Variants in FAM227B observed in about 807,000 individuals in gnomAD.
The protein encoded by FAM227B is protein FAM227B.
FAM227B carries 88 observed loss-of-function variants against 73.8 expected under a neutral mutation model. The ratio of observed to expected loss-of-function variants is 1.19; its 90% CI spans 1.00 to 1.42. The LOEUF (loss-of-function observed/expected upper bound fraction) is 1.42. Ranked by LOEUF, FAM227B falls within the 40% of genes most tolerant of loss-of-function variation. The pLI is 0.00. For synonymous variants in FAM227B, 210 were observed against 190.5 expected (o/e 1.10, Z -0.84); for missense variants, 632 against 590.9 (o/e 1.07, Z -0.72).
In FAM227B at chr15:49,589,809, T is replaced by G; in HGVS notation, c.304A>C (p.Ile102Leu). The G allele has an allele frequency of 6.3e-7, 1 of 1,599,298 alleles. No homozygotes were observed. Among genetic ancestry groups the G allele is most frequent in the South Asian group, 1.1e-5 (1 of 90,608 alleles). Residue 102 changes from isoleucine (I) to leucine (L), a missense_variant, in exon 4 of 16, where the codon ATA becomes CTA. Physicochemically the swap from Ile to Leu is conservative, Grantham distance 5. Coordinates refer to ENST00000299338, the MANE Select transcript of FAM227B (RefSeq NM_152647.3). ...SLILQNHTSE[I>L]FKWKSMISET... ...GAAATCATGCTTTTCCACTTAAATA[T>G]TTCAGAGGTGTGGTTTTGCAAAATA...
chr15:49,594,831 A>AGAG (rs1355091132), intron 3 of FAM227B, among the ~76,000 whole-genome samples: 3 of 152,076 alleles, frequency 2.0e-5, no homozygotes, highest in Non-Finnish European at 4.4e-5. Flanking sequence ...CTACAGCCTT[A>AGAG]TAGTGTAGTT....
At chr15:49,464,339 T>C (rs2054075390) in intron 11 of FAM227B, among the ~76,000 whole-genome samples, 1 of 152,204 alleles carries the variant, frequency 6.6e-6, no homozygotes, top group South Asian at 2.1e-4. Context: ...GGAATTAGTT[T>C]GAATTAATAT....
At chr15:49,551,886 TC>T (rs928590879) in intron 9 of FAM227B, among the ~76,000 whole-genome samples, 1 of 152,220 alleles carries the variant, frequency 6.6e-6, no homozygotes, top group African/African-American at 2.4e-5. Flanking sequence ...TTTAAATTTG[TC>T]CCCCCACTTT....
At chr15:49,478,700 T>C (rs2055599643) in intron 11 of FAM227B, among the ~76,000 whole-genome samples, 1 of 152,140 alleles carries the variant, frequency 6.6e-6, no homozygotes, top group Admixed American at 6.5e-5. Flanking sequence ...GTTATCATGC[T>C]AGCACAGCCA....
chr15:49,463,136 G>T (rs1215974161), intron 11 of FAM227B, among the ~76,000 whole-genome samples: 2 of 152,178 alleles, frequency 1.3e-5, no homozygotes, highest in African/African-American at 4.8e-5. Context: ...GCCTCCATCA[G>T]CTCCTGCTTA....
intron 13 of FAM227B, among the ~76,000 whole-genome samples, chr15:49,360,163 G>T (rs921782856): frequency 6.6e-6 from 1 of 150,874 alleles, no homozygotes; most frequent in Admixed American, 6.6e-5. Context: ...TGGGTGCAGC[G>T]CACCAGCATG....
intron 3 of FAM227B, among the ~76,000 whole-genome samples, chr15:49,607,328 G>A (rs548940788): frequency 5.3e-5 from 8 of 152,146 alleles, no homozygotes; most frequent in Middle Eastern, 6.8e-3. Flanking sequence ...TAAATAAGAC[G>A]CATAGCCACT....
chr15:49,343,212 G>C lies in FAM227B; in HGVS notation c.1272-7716C>G, dbSNP rs145568413. On this transcript the variant is annotated intron_variant, in intron 13 of 15. Transcript: ENST00000299338. ...TAATCCCATATTTCTCAAAGATTTTGTTTATTTTTCTTAATTCTTTTTTTA... is the reference window on the plus strand; with the variant it reads ...TAATCCCATATTTCTCAAAGATTTTCTTTATTTTTCTTAATTCTTTTTTTA... Among the ~76,000 whole-genome samples, 309 of 151,918 alleles carry C rather than the reference G, an allele frequency of 2.0e-3. 2 individuals are homozygous for C. Among genetic ancestry groups the C allele is most frequent in the South Asian group, 4.2e-3 (20 of 4,812 alleles).
chr15:49,582,701 T>C (rs1043224375), intron 5 of FAM227B, among the ~76,000 whole-genome samples: 14 of 152,196 alleles, frequency 9.2e-5, no homozygotes, highest in Admixed American at 8.5e-4. Context: ...ACATGGGACA[T>C]ACTCTAAACT....
rs565263536 is a variant in FAM227B, at chr15:49,335,920, A to G, written c.1272-424T>C. Among the ~76,000 whole-genome samples the G allele has an allele frequency of 3.1e-4, 47 of 152,266 alleles. 1 individual carries two copies. The highest frequency in any genetic ancestry group is 1.1e-3 in the African/African-American group (47 of 41,550). On this transcript the variant is annotated intron_variant, in intron 13 of 15. Coordinates refer to ENST00000299338, the MANE Select transcript of FAM227B (RefSeq NM_152647.3). The stretch of plus-strand genomic sequence containing the variant: ...CAGGCTGGAGTGTGGTAACATGATC[A>G]TAGTTCACTGTGACCTCAAACTCCT...
chr15:49,414,919 C>G (rs1318646428), intron 11 of FAM227B, among the ~76,000 whole-genome samples: 2 of 152,082 alleles, frequency 1.3e-5, no homozygotes, highest in African/African-American at 4.8e-5. Context: ...TATAAACCTC[C>G]TTTCTCATGC....
At chr15:49,540,639 A>G (rs970618529) in intron 10 of FAM227B, among the ~76,000 whole-genome samples, 1 of 152,192 alleles carries the variant, frequency 6.6e-6, no homozygotes, top group Non-Finnish European at 1.5e-5. Flanking sequence ...AACCTTAATT[A>G]CTTATTTAAA....
At chr15:49,506,580 C>T (rs964968984) in intron 11 of FAM227B, among the ~76,000 whole-genome samples, 15 of 151,904 alleles carry the variant, frequency 9.9e-5, no homozygotes, top group Non-Finnish European at 2.1e-4. Flanking sequence ...TGCAAAAGAT[C>T]ATACAGAGTA....
At chr15:49,472,915 T>G (rs1597416645) in intron 11 of FAM227B, among the ~76,000 whole-genome samples, 1 of 86,578 alleles carries the variant, frequency 1.2e-5, no homozygotes, top group South Asian at 3.2e-4. Context: ...TTGGGTACCA[T>G]ACATTTTAAT....
chr15:49,338,093 G>A (rs1042371687), intron 13 of FAM227B, among the ~76,000 whole-genome samples: 2 of 152,070 alleles, frequency 1.3e-5, no homozygotes, highest in African/African-American at 4.8e-5. Flanking sequence ...GTCTTCCATT[G>A]TTGTGTCTTT....
chr15:49,344,980 T>A (rs1159977682), intron 13 of FAM227B, among the ~76,000 whole-genome samples: 1 of 152,222 alleles, frequency 6.6e-6, no homozygotes, highest in Non-Finnish European at 1.5e-5. Context: ...AAAGTATAAA[T>A]GGTGTTGAGC....
chr15:49,337,344 T>C (rs966356861), intron 13 of FAM227B, among the ~76,000 whole-genome samples: 1 of 152,090 alleles, frequency 6.6e-6, no homozygotes, highest in South Asian at 2.1e-4. Context: ...TGCAGCCCCA[T>C]CAGCATCTAT....
At chr15:49,341,121 A>G (rs1226159317) in intron 13 of FAM227B, among the ~76,000 whole-genome samples, 1 of 151,996 alleles carries the variant, frequency 6.6e-6, no homozygotes, top group Non-Finnish European at 1.5e-5. Context: ...TCATCAGTCT[A>G]TGTGTCTGTT....
At chr15:49,401,286 C>G (rs948426514) in intron 11 of FAM227B, among the ~76,000 whole-genome samples, 1 of 152,260 alleles carries the variant, frequency 6.6e-6, no homozygotes, top group East Asian at 1.9e-4. Context: ...AAATGCAAAT[C>G]AAAACCACAA....
Sources: allele counts gnomAD v4.1 joint callset (sites outside exome capture counted in the v4.1 genomes callset), GRCh38; gene constraint gnomAD v4.1.1; transcripts MANE v1.5; gene names NCBI Gene and HGNC (gene_info 2026-07-23, HGNC 2026-07-21).